Variants in PARD3 observed in about 807,000 individuals in gnomAD.
The protein encoded by PARD3 is partitioning defective 3 homolog.
In PARD3, 75 loss-of-function variants were observed where a neutral mutation model predicts 155.4. The ratio of observed to expected loss-of-function variants is 0.48; its 90% CI spans 0.40 to 0.58. The LOEUF (loss-of-function observed/expected upper bound fraction) is 0.58, where lower values mean the gene tolerates loss of function less well. Among genes scored for constraint, PARD3 ranks in the 20% least tolerant of loss-of-function variants. PARD3 has a pLI of 0.00. For missense variants in PARD3, 1,642 were observed against 1,721.7 expected (o/e 0.95, Z 0.82); for synonymous variants, 576 against 610.5 (o/e 0.94, Z 0.83).
intron 1 of PARD3, 42 bp downstream of exon 1, chr10:34,814,834 C>T (rs1442751313): frequency 1.7e-6 from 2 of 1,178,792 alleles, no homozygotes; most frequent in Admixed American, 2.2e-5. Flanking sequence ...CGGCGCCGTC[C>T]CCGCCGCCGC....
At chr10:34,347,710 A>T (rs1837577066) in intron 15 of PARD3, among the ~76,000 whole-genome samples, 1 of 152,160 alleles carries the variant, frequency 6.6e-6, no homozygotes, top group Admixed American at 6.5e-5. Context: ...TTTCCATATG[A>T]TCCCTTTCTT....
In PARD3 at chr10:34,476,893, A is replaced by T. The variant is rs547834010; in HGVS notation, c.404-6630T>A. Among the ~76,000 whole-genome samples the T allele has an allele frequency of 8.0e-4, 122 of 152,312 alleles. 1 individual carries two copies. Among genetic ancestry groups the T allele is most frequent in the African/African-American group, 2.7e-3 (113 of 41,570 alleles). On this transcript the variant is annotated intron_variant, in intron 3 of 24. Transcript: ENST00000374788. The stretch of plus-strand genomic sequence containing the variant: ...CTTTTCACGAGTTTCACCTTATTTT[A>T]AGGAAAGACATTCATATAAATATGT...
At chr10:34,114,895 T>C (rs761428662) in intron 24 of PARD3, among the ~76,000 whole-genome samples, 43 of 152,302 alleles carry the variant, frequency 2.8e-4, no homozygotes, top group Non-Finnish European at 5.1e-4. Context: ...AACCAACATA[T>C]AGGATTGTTT....
At chr10:34,303,666 A>G (rs1438731349) in intron 20 of PARD3, among the ~76,000 whole-genome samples, 4 of 151,966 alleles carry the variant, frequency 2.6e-5, no homozygotes, top group Non-Finnish European at 5.9e-5. Context: ...GAAATTTACA[A>G]AGGTCAGGTT....
intron 23 of PARD3, among the ~76,000 whole-genome samples, chr10:34,127,484 A>G (rs1947350363): frequency 6.6e-6 from 1 of 152,102 alleles, no homozygotes; most frequent in Admixed American, 6.5e-5. Context: ...TTTATTTTTT[A>G]TCAGTTCTAC....
At chr10:34,600,331 C>T (rs777083209) in intron 2 of PARD3, among the ~76,000 whole-genome samples, 1 of 151,414 alleles carries the variant, frequency 6.6e-6, no homozygotes, top group South Asian at 2.1e-4. Flanking sequence ...GGCGACAGAG[C>T]GAGACCCCGG....
chr10:34,415,473 G>A (rs1436086584), intron 5 of PARD3, among the ~76,000 whole-genome samples: 7 of 152,194 alleles, frequency 4.6e-5, no homozygotes, highest in African/African-American at 1.7e-4. Context: ...GCTTTTATAT[G>A]TATTGTTTTA....
chr10:34,273,786 T>G (rs2133877004), intron 21 of PARD3, among the ~76,000 whole-genome samples: 1 of 152,294 alleles, frequency 6.6e-6, no homozygotes, highest in Admixed American at 6.5e-5. Flanking sequence ...TGCATTTTCC[T>G]TGTTTCTTTC....
At chr10:34,618,777 G>C (rs543420362) in intron 2 of PARD3, among the ~76,000 whole-genome samples, 1 of 152,274 alleles carries the variant, frequency 6.6e-6, no homozygotes, top group South Asian at 2.1e-4. Context: ...CTGTCTGGCA[G>C]AGGCACTGGC....
intron 2 of PARD3, among the ~76,000 whole-genome samples, chr10:34,653,815 T>C (rs1219159982): frequency 1.4e-5 from 2 of 144,614 alleles, no homozygotes. Context: ...AAAAAAAATG[T>C]ATATGAAGAT....
intron 2 of PARD3, among the ~76,000 whole-genome samples, chr10:34,628,716 T>A (rs1032034186): frequency 6.6e-6 from 1 of 152,178 alleles, no homozygotes; most frequent in African/African-American, 2.4e-5. Context: ...CTGACCAGGA[T>A]GGACAGAGAG....
intron 4 of PARD3, 66 bp downstream of exon 4, chr10:34,470,019 A>G: frequency 2.3e-6 from 3 of 1,308,316 alleles, no homozygotes; most frequent in Non-Finnish European, 3.1e-6. Flanking sequence ...AAGACACGAC[A>G]CTCATCACGG....
chr10:34,129,702 T>C (rs1048934261), intron 23 of PARD3, among the ~76,000 whole-genome samples: 20 of 120,274 alleles, frequency 1.7e-4, no homozygotes, highest in Admixed American at 2.5e-4. Flanking sequence ...TCAAGCCTCT[T>C]TTTTTTTTTT....
intron 1 of PARD3, among the ~76,000 whole-genome samples, chr10:34,718,149 C>CAAA (rs71033340): frequency 2.7e-4 from 22 of 82,734 alleles, no homozygotes; most frequent in African/African-American, 7.4e-4. Flanking sequence ...GACTCCATCT[C>CAAA]AAAAAAAAAA....
At chr10:34,685,591 G>A (rs1409118594) in intron 2 of PARD3, among the ~76,000 whole-genome samples, 4 of 133,976 alleles carry the variant, frequency 3.0e-5, no homozygotes, top group African/African-American at 5.2e-5. Flanking sequence ...CGTGATTCCC[G>A]CAATCTTTTT....
At chr10:34,470,601 C>T (rs186489886) in intron 3 of PARD3, among the ~76,000 whole-genome samples, 1 of 152,118 alleles carries the variant, frequency 6.6e-6, no homozygotes, top group Non-Finnish European at 1.5e-5. Context: ...CCTCTTTCAT[C>T]AGGGTAATGT....
chr10:34,277,091 G>T (rs1955922045), intron 21 of PARD3, among the ~76,000 whole-genome samples: 1 of 152,140 alleles, frequency 6.6e-6, no homozygotes, highest in Admixed American at 6.6e-5. Context: ...CCATCCAGAA[G>T]CCTCATTCTG....
chr10:34,155,390 G>A (rs1948958266), intron 22 of PARD3, among the ~76,000 whole-genome samples: 1 of 152,164 alleles, frequency 6.6e-6, no homozygotes, highest in Non-Finnish European at 1.5e-5. Flanking sequence ...TAACAATAGA[G>A]GAGACTACAG....
At chr10:34,680,491 G>A (rs1483833145) in intron 2 of PARD3, among the ~76,000 whole-genome samples, 1 of 151,222 alleles carries the variant, frequency 6.6e-6, no homozygotes, top group African/African-American at 2.4e-5. Flanking sequence ...CCCAGGAGGT[G>A]GAGGTTGCAG....
Sources: allele counts gnomAD v4.1 joint callset (sites outside exome capture counted in the v4.1 genomes callset), GRCh38; gene constraint gnomAD v4.1.1; transcripts MANE v1.5; gene names NCBI Gene and HGNC (gene_info 2026-07-23, HGNC 2026-07-21).